TMEM223: variants seen among roughly 807,000 people sequenced by gnomAD.
TMEM223 encodes the protein transmembrane protein 223.
Under a neutral mutation model 14.1 loss-of-function variants are expected in TMEM223, and 14 were observed. That is an observed-to-expected ratio of 0.99 (90% confidence interval 0.66 to 1.55). The LOEUF (loss-of-function observed/expected upper bound fraction) is 1.55, where lower values mean the gene tolerates loss of function less well. Among genes scored for constraint, TMEM223 ranks in the 40% most tolerant of loss-of-function variants. The probability of loss-of-function intolerance (pLI) is 0.00; values close to 1 mark genes in which losing one functional copy is unlikely to be tolerated. For missense variants in TMEM223, 346 were observed against 269.9 expected, an observed-to-expected ratio of 1.28 and a Z score of -1.97; for synonymous variants, 145 against 120.5, an observed-to-expected ratio of 1.20 and a Z score of -1.33.
downstream of TMEM223, chr11:62,789,779 G>A (rs1565194078): frequency 2.6e-6 from 4 of 1,525,394 alleles, no homozygotes; most frequent in East Asian, 4.5e-5. Context: ...GAGAGGAGCT[G>A]AAGGGGTTGT....
chr11:62,780,653 G>T (rs2084221818), intron 1 of TMEM223, among the ~76,000 whole-genome samples: 1 of 152,020 alleles, frequency 6.6e-6, no homozygotes, highest in African/African-American at 2.4e-5. Context: ...AAAGTGGCTG[G>T]GTGCGGTGGT....
At chr11:62,784,522 G>A (rs923786029), downstream of TMEM223, among the ~76,000 whole-genome samples, 7 of 151,590 alleles carry the variant, frequency 4.6e-5, no homozygotes, top group Non-Finnish European at 7.4e-5. Context: ...TAGCCAGGAT[G>A]GTCTCGATCT....
intron 1 of TMEM223, chr11:62,778,364 T>G: frequency 6.2e-7 from 1 of 1,613,848 alleles, no homozygotes; most frequent in South Asian, 1.1e-5. Context: ...AACAGGCTCT[T>G]TGGATGAATT....
At chr11:62,784,387 C>T (rs11231216), downstream of TMEM223, among the ~76,000 whole-genome samples, 10,842 of 151,034 alleles carry the variant, frequency 0.072, 426 homozygotes, top group East Asian at 0.14. Flanking sequence ...TAACTGCAAC[C>T]TCCGCCTCCC....
At chr11:62,776,416 C>T (rs750416989) in intron 1 of TMEM223, 2 of 1,613,808 alleles carry the variant, frequency 1.2e-6, no homozygotes, top group Non-Finnish European at 8.5e-7. Context: ...ACACCAAACG[C>T]CGGAAGCTGA....
chr11:62,779,921 C>T (rs1294890023), intron 1 of TMEM223, among the ~76,000 whole-genome samples: 1 of 144,674 alleles, frequency 6.9e-6, no homozygotes, highest in Non-Finnish European at 1.5e-5. Flanking sequence ...CCGCCTCTGC[C>T]TCCCAAAGTG....
Position 62,790,915 on chromosome 11 carries a change from C to A in TMEM223, c.317G>T (p.Gly106Val). The stretch of plus-strand genomic sequence containing the variant: ...AAGACCAGCACCGAGTACGAGGGCT[C>A]CTGCAGGCAGGGCAGAGATTGGGGT... The part of the protein sequence containing the change: ...YGLAVGCGAI[G>V]ALVLGAGLLF... Residue 106 changes from glycine (G) to valine (V), a missense_variant and splice_region_variant, in exon 2 of 2, where the codon GGA (glycine) becomes GTA (valine). Transcript: ENST00000307366. 1 of 1,568,958 alleles carries A rather than the reference C, an allele frequency of 6.4e-7. No homozygotes were observed. The highest frequency in any genetic ancestry group is 8.7e-7 in the Non-Finnish European group (1 of 1,152,714).
chr11:62,787,315 C>G (rs752585819), downstream of TMEM223: 1 of 1,526,696 alleles, frequency 6.6e-7, no homozygotes, highest in African/African-American at 1.4e-5. Context: ...CCCCTTCGTT[C>G]CTTGTAAATA....
chr11:62,786,602 T>C (rs781315294), downstream of TMEM223: 1 of 1,585,240 alleles, frequency 6.3e-7, no homozygotes, highest in Non-Finnish European at 8.6e-7. Context: ...TGCCGGCGCC[T>C]GGACGACCTG....
intron 1 of TMEM223, chr11:62,776,386 T>C (rs1228869934): frequency 1.2e-6 from 2 of 1,613,186 alleles, no homozygotes; most frequent in Non-Finnish European, 1.7e-6. Context: ...CCTCCCAGAA[T>C]AGCTCTCAGT....
At chr11:62,788,708 G>C (rs1471871029), downstream of TMEM223, among the ~76,000 whole-genome samples, 1 of 148,492 alleles carries the variant, frequency 6.7e-6, no homozygotes, top group African/African-American at 2.5e-5. Context: ...CTCACAGATA[G>C]TTATTTGTTG....
chr11:62,789,700 G>GA (rs752407950), downstream of TMEM223: 1 of 1,530,012 alleles, frequency 6.5e-7, no homozygotes, highest in African/African-American at 1.4e-5. Context: ...AGGATAGGAG[G>GA]AAAAACTGAC....
chr11:62,783,341 G>C (rs1274719251), downstream of TMEM223, among the ~76,000 whole-genome samples: 2 of 152,038 alleles, frequency 1.3e-5, no homozygotes, highest in African/African-American at 2.4e-5. Flanking sequence ...AATTAGCCTG[G>C]TGTGGTGGCG....
downstream of TMEM223, chr11:62,787,078 C>T (rs1289892050): frequency 1.3e-6 from 2 of 1,533,116 alleles, no homozygotes; most frequent in Non-Finnish European, 1.7e-6. Flanking sequence ...CCAGAAGAGC[C>T]GTTTCGCCCC....
chr11:62,771,340 T>C (rs1446192548), downstream of TMEM223: 2 of 152,458 alleles, frequency 1.3e-5, no homozygotes, highest in African/African-American at 4.8e-5. Flanking sequence ...GGCCGGAAAC[T>C]TTCCAAGGCG....
chr11:62,787,715 T>A, downstream of TMEM223: 1 of 766,060 alleles, frequency 1.3e-6, no homozygotes, highest in Non-Finnish European at 2.1e-6. Context: ...CCTGGCCAGG[T>A]CATACTTCGA....
At chr11:62,775,845 C>A in intron 1 of TMEM223, 1 of 1,613,310 alleles carries the variant, frequency 6.2e-7, no homozygotes, top group Non-Finnish European at 8.5e-7. Flanking sequence ...CGGCTCATGG[C>A]GGAGAGCACG....
chr11:62,774,746 A>G (rs1175536564), intron 1 of TMEM223: 3 of 442,340 alleles, frequency 6.8e-6, no homozygotes, highest in South Asian at 3.1e-5. Context: ...AAGCCCAGCT[A>G]CTATCCAGCC....
chr11:62,783,648 C>T (rs902472073), downstream of TMEM223, among the ~76,000 whole-genome samples: 2 of 151,454 alleles, frequency 1.3e-5, no homozygotes, highest in South Asian at 4.2e-4. Context: ...AATTCTTCCA[C>T]CTCACCCTCC....
Sources: gnomAD v4.1 joint callset for allele counts (sites outside exome capture counted in the v4.1 genomes callset) on GRCh38, gnomAD v4.1.1 for gene constraint, MANE v1.5 for transcripts, NCBI Gene and HGNC (gene_info 2026-07-23, HGNC 2026-07-21) for gene names.